Variants in PDE3B observed in about 807,000 individuals in gnomAD.
The protein encoded by PDE3B is phosphodiesterase 3B, also known as cGMP-inhibited 3',5'-cyclic phosphodiesterase 3B.
In PDE3B, 66 loss-of-function variants were observed where a neutral mutation model predicts 116.8. That is an observed-to-expected ratio of 0.56 (90% CI 0.46 to 0.69). The LOEUF is 0.69. PDE3B is among the 30% of genes least tolerant of loss of function. The pLI is 0.00. For synonymous variants in PDE3B, 595 were observed against 533.6 expected (o/e 1.12, Z -1.59); for missense variants, 1,384 against 1,368.1 (o/e 1.01, Z -0.18).
At chr11:14,827,645 A>G (rs1460635981) in intron 7 of PDE3B, among the ~76,000 whole-genome samples, 1 of 152,178 alleles carries the variant, frequency 6.6e-6, no homozygotes, top group East Asian at 1.9e-4. Flanking sequence ...ATTACAAAAC[A>G]CTGCTCAAAG....
At chr11:14,848,040 G>T (rs545144362) in intron 12 of PDE3B, among the ~76,000 whole-genome samples, 2 of 151,398 alleles carry the variant, frequency 1.3e-5, no homozygotes, top group Admixed American at 6.6e-5. Flanking sequence ...AACCAAAAAA[G>T]AGAATTTTAG....
At chr11:14,728,885 T>A (rs989777399) in intron 1 of PDE3B, among the ~76,000 whole-genome samples, 3 of 152,150 alleles carry the variant, frequency 2.0e-5, no homozygotes, top group African/African-American at 7.2e-5. Flanking sequence ...GTAGAATAAT[T>A]AAAAGTAATT....
In PDE3B at chr11:14,818,224, G is replaced by A. The variant is rs1203878789; in HGVS notation, c.1564G>A (p.Gly522Arg). Residue 522 changes from glycine to arginine, a missense_variant, in exon 6 of 16, where the codon GGA becomes AGA. By Grantham distance (125) the Gly-to-Arg change is moderately radical (BLOSUM62 -2). This residue lies in a region of PDE3B where 956 missense variants were observed against 806.8 expected (regional missense o/e 1.18). Coordinates refer to ENST00000282096, the MANE Select transcript of PDE3B (RefSeq NM_000922.4). ...SLSPVNSSNH[G>R]PVSTGSLTNR... ...GAGTCCTGTGAATTCTTCCAACCAT[G>A]GACCAGTGTCTACTGGCTCTCTAAC... 6.2e-7 allele frequency: 1 copy of A among 1,613,398 alleles called. No homozygotes were observed. The highest frequency in any genetic ancestry group is 2.2e-5 in the East Asian group (1 of 44,852).
At position 14,871,225 on chromosome 11, in the gene PDE3B, A is replaced by G. The variant is rs983305969; in HGVS notation, c.*1565A>G. The stretch of plus-strand genomic sequence containing the variant: ...GAATTTTTGATCCTTCACAGTGTCA[A>G]TATTTAATGAATCACTAAGCTTTAT... On this transcript the variant is annotated 3_prime_UTR_variant, in exon 16 of 16. Transcript: ENST00000282096. The G allele has an allele frequency of 6.6e-6, 1 of 152,192 alleles. No homozygotes were observed. Among genetic ancestry groups the G allele is most frequent in the African/African-American group, 2.4e-5 (1 of 41,450 alleles). 9.4% of individuals were successfully genotyped at this position (152,192 alleles called of 1,614,324 possible).
At chr11:14,815,100 G>A (rs1470668419) in intron 5 of PDE3B, among the ~76,000 whole-genome samples, 1 of 151,498 alleles carries the variant, frequency 6.6e-6, no homozygotes, top group Non-Finnish European at 1.5e-5. Flanking sequence ...GTGCACCACT[G>A]TACTCCGGCC....
chr11:14,833,041 C>T (rs529621007), intron 10 of PDE3B, among the ~76,000 whole-genome samples: 22 of 152,018 alleles, frequency 1.4e-4, no homozygotes, highest in African/African-American at 5.3e-4. Context: ...ACCTCCGCCC[C>T]CCACGTTCAA....
At chr11:14,789,771 T>C (rs1590146832) in intron 4 of PDE3B, among the ~76,000 whole-genome samples, 1 of 152,114 alleles carries the variant, frequency 6.6e-6, no homozygotes, top group East Asian at 1.9e-4. Context: ...GCTAATCTTA[T>C]AAATGAAAGG....
intron 2 of PDE3B, chr11:14,775,026 A>C (rs1479243097): frequency 6.6e-6 from 1 of 152,232 alleles, no homozygotes. Flanking sequence ...TCTTTACATA[A>C]GCATTTCCTT....
chr11:14,884,141 G>C, the PDE3B span, among the ~76,000 whole-genome samples: 2 of 151,976 alleles, frequency 1.3e-5, no homozygotes, highest in Non-Finnish European at 2.9e-5. Context: ...CAGGGATCTA[G>C]AACTAGAAAT....
intron 7 of PDE3B, among the ~76,000 whole-genome samples, chr11:14,826,744 CA>C (rs1430755681): frequency 6.6e-6 from 1 of 151,648 alleles, no homozygotes; most frequent in African/African-American, 2.4e-5. Flanking sequence ...AGTAGTATTA[CA>C]AAAAACTGAA....
At chr11:14,740,701 C>T (rs1054446977) in intron 1 of PDE3B, among the ~76,000 whole-genome samples, 4 of 152,118 alleles carry the variant, frequency 2.6e-5, no homozygotes, top group East Asian at 3.8e-4. Context: ...GTTAGTGCAT[C>T]GATTGTAGAT....
intron 9 of PDE3B, 60 bp downstream of exon 9, chr11:14,831,837 A>G: frequency 8.0e-7 from 1 of 1,256,966 alleles, no homozygotes; most frequent in South Asian, 1.3e-5. Context: ...TCTTTATAAA[A>G]AGCAAAATCT....
At position 14,703,417 on chromosome 11, in the gene PDE3B, C is replaced by CT. The variant is rs1248841584; in HGVS notation, c.978+58375dup. Among the ~76,000 whole-genome samples the CT allele has an allele frequency of 5.3e-3, 760 of 144,164 alleles. 3 individuals carry two copies. The highest frequency in any genetic ancestry group is 9.2e-3 in the Non-Finnish European group (596 of 65,068). 94.6% of individuals were successfully genotyped at this position (144,164 alleles called of 152,430 possible). ...ATTCAACTAAGCCCTGTAGGGTTGT[C>CT]TTTTTTTTTTTAATACCAGGAATCT... On this transcript the variant is annotated intron_variant, in intron 1 of 15. Coordinates refer to ENST00000282096, the MANE Select transcript of PDE3B (RefSeq NM_000922.4).
At chr11:14,664,961 C>T (rs1854080458) in intron 1 of PDE3B, among the ~76,000 whole-genome samples, 1 of 151,922 alleles carries the variant, frequency 6.6e-6, no homozygotes, top group East Asian at 1.9e-4. Flanking sequence ...AGAGACACAA[C>T]AAAAAAAGAG....
chr11:14,677,441 C>G (rs977094342), intron 1 of PDE3B, among the ~76,000 whole-genome samples: 3 of 152,124 alleles, frequency 2.0e-5, no homozygotes, highest in African/African-American at 7.2e-5. Context: ...TGATATCTTT[C>G]TATGTTTTAG....
intron 2 of PDE3B, among the ~76,000 whole-genome samples, chr11:14,784,734 GA>G (rs1291256181): frequency 4.6e-5 from 7 of 151,806 alleles, no homozygotes; most frequent in Non-Finnish European, 5.9e-5. Flanking sequence ...AATTGACCAT[GA>G]AAAAAAGATT....
chr11:14,663,368 A>C (rs1479352888), intron 1 of PDE3B, among the ~76,000 whole-genome samples: 1 of 152,240 alleles, frequency 6.6e-6, no homozygotes. Flanking sequence ...CAAATTGTAA[A>C]GACCATCAAG....
chr11:14,766,027 T>C (rs1202115987), intron 1 of PDE3B, among the ~76,000 whole-genome samples: 1 of 151,550 alleles, frequency 6.6e-6, no homozygotes, highest in East Asian at 1.9e-4. Context: ...TTAAAAGTTT[T>C]AATATACATG....
the PDE3B span, chr11:14,878,151 G>T: frequency 1.1e-5 from 18 of 1,613,176 alleles, no homozygotes; most frequent in Non-Finnish European, 1.5e-5. Flanking sequence ...ATGAGGTAGG[G>T]TTGGGGCTGC....
Sources: gnomAD v4.1 joint callset for allele counts (sites outside exome capture counted in the v4.1 genomes callset) on GRCh38, gnomAD v4.1.1 for gene constraint, gnomAD v4.1.1 regional missense constraint, MANE v1.5 for transcripts, NCBI Gene and HGNC (gene_info 2026-07-23, HGNC 2026-07-21) for gene names.